Variants in RTN3 observed in about 807,000 individuals in gnomAD.
RTN3 encodes the protein reticulon 3.
In RTN3, 49 loss-of-function variants were observed where a neutral mutation model predicts 77.8. The ratio of observed to expected loss-of-function variants is 0.63; its 90% CI spans 0.50 to 0.80. RTN3 has a LOEUF of 0.80. Ranked by LOEUF, RTN3 falls within the 30% of genes least tolerant of loss-of-function variation. RTN3 has a pLI of 0.00. For synonymous variants in RTN3, 464 were observed against 446.9 expected, an observed-to-expected ratio of 1.04 and a Z score of -0.48; for missense variants, 1,236 against 1,211.9, an observed-to-expected ratio of 1.02 and a Z score of -0.29.
At chr11:63,757,383 C>T (rs1049757971) in intron 8 of RTN3, among the ~76,000 whole-genome samples, 2 of 151,990 alleles carry the variant, frequency 1.3e-5, no homozygotes, top group Admixed American at 1.3e-4. Context: ...CAGGGTCTCA[C>T]TCTGTCACCC....
intron 3 of RTN3, among the ~76,000 whole-genome samples, chr11:63,726,860 T>TA (rs780771200): frequency 6.7e-5 from 6 of 89,444 alleles, no homozygotes; most frequent in African/African-American, 1.9e-4. Context: ...AGACTCCGTC[T>TA]GAAAAAAAAA....
chr11:63,694,381 G>A (rs916643225), intron 1 of RTN3, among the ~76,000 whole-genome samples: 3 of 152,032 alleles, frequency 2.0e-5, no homozygotes, highest in Non-Finnish European at 4.4e-5. Flanking sequence ...TCTCCATGTT[G>A]GTCAGGCTGC....
chr11:63,724,035 G>A (rs1005024099), intron 3 of RTN3, among the ~76,000 whole-genome samples: 7 of 152,086 alleles, frequency 4.6e-5, no homozygotes, highest in African/African-American at 1.7e-4. Flanking sequence ...TTGTGTTTTA[G>A]TATCCAGATT....
In RTN3 at chr11:63,758,307, A is replaced by C; in HGVS notation, c.*106A>C. 6.2e-7 allele frequency: 1 copy of C among 1,613,096 alleles called. No individual in the cohort carries two copies. The highest frequency in any genetic ancestry group is 2.2e-5 in the East Asian group (1 of 44,868). Reference sequence around the variant, plus strand: ...ATACTCAGTGTCAGCTTGAGCCTGCATTCCAAGCTTTTTTTTTAATTTGGT... The same window carrying C: ...ATACTCAGTGTCAGCTTGAGCCTGCCTTCCAAGCTTTTTTTTTAATTTGGT... On this transcript the variant is annotated 3_prime_UTR_variant, in exon 9 of 9. Transcript: ENST00000377819.
intron 3 of RTN3, among the ~76,000 whole-genome samples, chr11:63,745,344 G>A (rs1180715450): frequency 1.3e-5 from 2 of 152,158 alleles, no homozygotes; most frequent in African/African-American, 2.4e-5. Context: ...TTAAGCATTC[G>A]GTAACAACTG....
intron 2 of RTN3, among the ~76,000 whole-genome samples, chr11:63,705,241 A>G (rs1330637130): frequency 6.6e-6 from 1 of 152,188 alleles, no homozygotes; most frequent in Non-Finnish European, 1.5e-5. Context: ...TAATCTCAGC[A>G]CTTTGGGAGG....
At chr11:63,728,685 C>G (rs112748061) in intron 3 of RTN3, among the ~76,000 whole-genome samples, 1 of 151,978 alleles carries the variant, frequency 6.6e-6, no homozygotes, top group Admixed American at 6.6e-5. Context: ...GTCAGGAGTT[C>G]GAGACCAGCC....
rs549718624 is a variant in RTN3, at chr11:63,704,074, C to G, written c.143-777C>G. 1.5e-3 allele frequency among the ~76,000 whole-genome samples: 228 copies of G among 152,022 alleles called. 1 individual carries two copies. The highest frequency in any genetic ancestry group is 2.3e-3 in the Non-Finnish European group (154 of 67,990). On this transcript the variant is annotated intron_variant, in intron 1 of 8. Coordinates refer to ENST00000377819, the MANE Select transcript of RTN3 (RefSeq NM_001265589.2). ...CTGGAGTGCAGTGGCACAATCTTGG[C>G]TCACTGCAAACTCTGCCTCCTGGGT...
chr11:63,683,152 T>C (rs1359352057), intron 1 of RTN3, among the ~76,000 whole-genome samples: 2 of 152,210 alleles, frequency 1.3e-5, no homozygotes, highest in Non-Finnish European at 2.9e-5. Flanking sequence ...TTTTTCAGTG[T>C]GGTTATGGCC....
rs190085656 is a variant in RTN3, at chr11:63,739,698, C to A, written c.2531-10293C>A. Among the ~76,000 whole-genome samples the A allele has an allele frequency of 3.6e-3, 542 of 152,292 alleles. 1 individual carries two copies. The highest frequency in any genetic ancestry group is 0.013 in the African/African-American group (527 of 41,550). On this transcript the variant is annotated intron_variant, in intron 3 of 8. Transcript: ENST00000377819. ...ATCCCACGTCCTTTATCCCATCTCA[C>A]ATGCAGCTGAGAGTCACTGACTTGG... is the stretch of plus-strand genomic sequence containing the variant.
chr11:63,684,945 A>G (rs1188656504), intron 1 of RTN3, among the ~76,000 whole-genome samples: 4 of 150,724 alleles, frequency 2.7e-5, no homozygotes, highest in Non-Finnish European at 1.5e-5. Context: ...CTTTTACTAG[A>G]TATGGGGTTT....
At chr11:63,688,326 C>G (rs1941480164) in intron 1 of RTN3, among the ~76,000 whole-genome samples, 1 of 150,740 alleles carries the variant, frequency 6.6e-6, no homozygotes, top group Non-Finnish European at 1.5e-5. Context: ...CAGGTTCATG[C>G]CATTCTCCTG....
intron 1 of RTN3, among the ~76,000 whole-genome samples, chr11:63,683,303 C>T (rs1941165767): frequency 1.3e-5 from 2 of 152,226 alleles, no homozygotes; most frequent in African/African-American, 4.8e-5. Context: ...TGAACAGCGA[C>T]TTCCTTATAA....
At chr11:63,689,593 CT>C (rs1941549182) in intron 1 of RTN3, among the ~76,000 whole-genome samples, 1 of 151,094 alleles carries the variant, frequency 6.6e-6, no homozygotes, top group African/African-American at 2.5e-5. Flanking sequence ...GTGGCCTGCT[CT>C]TGTGATTTTT....
intron 1 of RTN3, among the ~76,000 whole-genome samples, chr11:63,703,081 A>G (rs759905159): frequency 7.2e-5 from 11 of 152,180 alleles, no homozygotes; most frequent in Non-Finnish European, 1.5e-4. Context: ...GATTCAACCA[A>G]TTGTGGACCA....
At chr11:63,711,628 G>A (rs769100201) in intron 2 of RTN3, among the ~76,000 whole-genome samples, 8 of 151,940 alleles carry the variant, frequency 5.3e-5, no homozygotes, top group African/African-American at 1.5e-4. Context: ...GCAATGGCGC[G>A]ATCTCAGCTC....
chr11:63,755,746 TC>T (rs2014345787), intron 7 of RTN3, among the ~76,000 whole-genome samples: 1 of 142,982 alleles, frequency 7.0e-6, no homozygotes, highest in South Asian at 2.2e-4. Flanking sequence ...GATCACGAGG[TC>T]AGGAGGTCGA....
chr11:63,740,180 A>G (rs1313115971), intron 3 of RTN3, among the ~76,000 whole-genome samples: 3 of 152,126 alleles, frequency 2.0e-5, no homozygotes, highest in Non-Finnish European at 4.4e-5. Context: ...CTATTTAATC[A>G]TAGTTCTGAT....
chr11:63,709,585 A>T (rs4963428), intron 2 of RTN3, among the ~76,000 whole-genome samples: 121,608 of 144,228 alleles, frequency 0.84, 49,805 homozygotes, highest in East Asian at 0.97. Context: ...GCCTTTTTTT[A>T]AAAAAAAAAA....
Sources: allele counts gnomAD v4.1 joint callset (sites outside exome capture counted in the v4.1 genomes callset), GRCh38; gene constraint gnomAD v4.1.1; transcripts MANE v1.5; gene names NCBI Gene and HGNC (gene_info 2026-07-23, HGNC 2026-07-21).